C16orf96: variants seen among roughly 807,000 people sequenced by gnomAD.
The protein encoded by C16orf96 is chromosome 16 open reading frame 96.
C16orf96 carries 108 observed loss-of-function variants against 103.6 expected under a neutral mutation model. That is an observed-to-expected ratio of 1.04 (90% CI 0.89 to 1.22). The LOEUF is 1.22. Ranked by LOEUF, C16orf96 falls within the 50% of genes most tolerant of loss-of-function variation. C16orf96 has a pLI of 0.00. For synonymous variants in C16orf96, 566 were observed against 593.5 expected, an observed-to-expected ratio of 0.95 and a Z score of 0.67; for missense variants, 1,586 against 1,464.2, an observed-to-expected ratio of 1.08 and a Z score of -1.36.
chr16:4,585,694 G>T (rs1236321912), intron 7 of C16orf96, among the ~76,000 whole-genome samples: 1 of 152,148 alleles, frequency 6.6e-6, no homozygotes, highest in Non-Finnish European at 1.5e-5. Context: ...CGGGAATTCT[G>T]AAATCAAGGT....
At position 4,588,051 on chromosome 16, in the gene C16orf96, G is replaced by C. The variant is rs549285995; in HGVS notation, c.2428-116G>C. ...GACCCCAGGGTTGCATTTAAGCCAA[G>C]GCTAAAAGTCCAGAGTCCCAAACTA... On this transcript the variant is annotated intron_variant, in intron 8 of 15. Coordinates refer to ENST00000444310, the MANE Select transcript of C16orf96 (RefSeq NM_001145011.2). 10 of 1,077,966 alleles carry C rather than the reference G, an allele frequency of 9.3e-6. No homozygotes were observed. In the African/African-American group the frequency reaches 1.4e-4, roughly 15 times the overall value. The allele number at this position is 1,077,966 out of a possible 1,614,324, so 66.8% of individuals were successfully genotyped here. A position where few individuals can be genotyped will look rare whatever the true frequency, so the allele number is the denominator to read the frequency against.
intron 8 of C16orf96, among the ~76,000 whole-genome samples, chr16:4,587,593 T>C (rs1896959561): frequency 6.7e-6 from 1 of 148,290 alleles, no homozygotes; most frequent in African/African-American, 2.5e-5. Context: ...AGGAGGCACA[T>C]CAACTCCCAT....
At chr16:4,555,376 C>A (rs1321965163), upstream of C16orf96, among the ~76,000 whole-genome samples, 1 of 148,152 alleles carries the variant, frequency 6.7e-6, no homozygotes, top group African/African-American at 2.5e-5. Flanking sequence ...TCTTCAGATT[C>A]TTTTTTTTTT....
chr16:4,544,146 AC>A, the C16orf96 span, among the ~76,000 whole-genome samples: 1 of 152,086 alleles, frequency 6.6e-6, no homozygotes. Context: ...GTCAAATAGA[AC>A]AGTCAACGTG....
intron 14 of C16orf96, among the ~76,000 whole-genome samples, chr16:4,597,455 A>G (rs1897196961): frequency 6.6e-6 from 1 of 152,038 alleles, no homozygotes; most frequent in South Asian, 2.1e-4. Flanking sequence ...TGGCCTCCCC[A>G]AGGGCTGTCA....
At chr16:4,550,230 ACC>A in the C16orf96 span, among the ~76,000 whole-genome samples, 1 of 151,780 alleles carries the variant, frequency 6.6e-6, no homozygotes. Context: ...GATTACAGGC[ACC>A]CGCCACCATG....
the C16orf96 span, among the ~76,000 whole-genome samples, chr16:4,549,007 G>A: frequency 6.6e-6 from 1 of 151,998 alleles, no homozygotes; most frequent in South Asian, 2.1e-4. Context: ...CTTGCAGTTT[G>A]CATTACAGAG....
At chr16:4,579,432 C>T (rs1230935360) in intron 6 of C16orf96, among the ~76,000 whole-genome samples, 3 of 151,812 alleles carry the variant, frequency 2.0e-5, no homozygotes, top group East Asian at 1.9e-4. Context: ...TTTGTCCCTA[C>T]AGTCCCAACT....
At chr16:4,559,232 A>G (rs1160591458) in intron 1 of C16orf96, among the ~76,000 whole-genome samples, 1 of 150,022 alleles carries the variant, frequency 6.7e-6, no homozygotes, top group Non-Finnish European at 1.5e-5. Flanking sequence ...CCAAGTTACC[A>G]CTCTTCTCTT....
chr16:4,551,205 A>G, the C16orf96 span, among the ~76,000 whole-genome samples: 1 of 152,184 alleles, frequency 6.6e-6, no homozygotes, highest in Non-Finnish European at 1.5e-5. Flanking sequence ...CAGGTGTTTG[A>G]GGCTGCGTGA....
intron 1 of C16orf96, among the ~76,000 whole-genome samples, chr16:4,568,612 T>TTTTTC (rs1453027662): frequency 6.8e-6 from 1 of 146,818 alleles, no homozygotes; most frequent in African/African-American, 2.5e-5. Context: ...TCTTTTTTTC[T>TTTTTC]TTTTCTTTTC....
At chr16:4,551,429 G>A (rs1471046353), upstream of C16orf96, among the ~76,000 whole-genome samples, 1 of 152,056 alleles carries the variant, frequency 6.6e-6, no homozygotes, top group African/African-American at 2.4e-5. Context: ...CCTAAGATTT[G>A]TTTACTCCAT....
Position 4,575,469 on chromosome 16 carries a change from C to A in C16orf96, c.989C>A (p.Pro330His). The change falls in exon 5 of 16, where the codon CCT becomes CAT. Residue 330 changes from proline (P) to histidine (H), a missense_variant. Transcript: ENST00000444310. Reference protein sequence around the residue: ...CTTEFAPGPAPGTEPVPGLEL... With the variant: ...CTTEFAPGPAHGTEPVPGLEL... The stretch of plus-strand genomic sequence containing the variant: ...ACTGAATTTGCACCTGGGCCTGCAC[C>A]TGGGACTGAACCTGTGCCAGGACTG... The A allele has an allele frequency of 6.5e-7, 1 of 1,548,288 alleles. No homozygotes were observed. The highest frequency in any genetic ancestry group is 8.7e-7 in the Non-Finnish European group (1 of 1,146,936).
chr16:4,584,757 C>G (rs965502490), intron 7 of C16orf96, among the ~76,000 whole-genome samples: 2 of 152,136 alleles, frequency 1.3e-5, no homozygotes, highest in Non-Finnish European at 2.9e-5. Context: ...TGGTCTTGAA[C>G]TCCTGACCTC....
Position 4,600,624 on chromosome 16 carries a change from G to A in C16orf96, c.*307G>A. On this transcript the variant is annotated 3_prime_UTR_variant, in exon 16 of 16. Transcript: ENST00000444310. ...GCCCAGAAAGGGTGCTGGGGCCCTG[G>A]ATAGAGGGGAGGGGTCTGTGTAGGG... The A allele has an allele frequency of 4.8e-6, 2 of 417,078 alleles. No individual in the cohort carries two copies. The highest frequency in any genetic ancestry group is 2.0e-5 in the African/African-American group (1 of 49,872). 25.8% of individuals were successfully genotyped at this position (417,078 alleles called of 1,614,324 possible).
rs2059505317 is a variant in C16orf96 at position 4,576,187 on chromosome 16, C to T, written c.1707C>T (p.Ala569=). 1 of 1,550,476 alleles carries T rather than the reference C, an allele frequency of 6.4e-7. No individual in the cohort carries two copies. The highest frequency in any genetic ancestry group is 1.4e-5 in the African/African-American group (1 of 73,186). The part of the protein sequence containing the change: ...SALHRLKTTA[A]IAAAAAAAYA... ...TTCACCGGCTGAAAACCACCGCTGC[C>T]ATCGCCGCCGCTGCCGCCGCAGCCT... Residue 569 remains alanine (A), a synonymous_variant, in exon 5 of 16, where the codon GCC becomes GCT. Coordinates refer to ENST00000444310, the MANE Select transcript of C16orf96 (RefSeq NM_001145011.2).
intron 14 of C16orf96, among the ~76,000 whole-genome samples, chr16:4,596,466 C>G (rs1200505832): frequency 7.6e-6 from 1 of 131,506 alleles, no homozygotes; most frequent in Non-Finnish European, 1.5e-5. Flanking sequence ...GCCTGGACAA[C>G]AGAGCGAGAC....
intron 1 of C16orf96, among the ~76,000 whole-genome samples, chr16:4,558,829 C>G (rs556900169): frequency 6.6e-6 from 1 of 151,020 alleles, no homozygotes; most frequent in Admixed American, 6.6e-5. Flanking sequence ...GCAGGAGAAT[C>G]GCTTGAACCC....
At chr16:4,551,000 C>A in the C16orf96 span, among the ~76,000 whole-genome samples, 1 of 152,158 alleles carries the variant, frequency 6.6e-6, no homozygotes, top group Admixed American at 6.5e-5. Context: ...GGGTCGGGCG[C>A]GGTGGCTCAC....
Sources: gnomAD v4.1 joint callset for allele counts (sites outside exome capture counted in the v4.1 genomes callset) on GRCh38, gnomAD v4.1.1 for gene constraint, MANE v1.5 for transcripts, NCBI Gene and HGNC (gene_info 2026-07-23, HGNC 2026-07-21) for gene names.